Variants in ADRA1B observed in about 807,000 individuals in gnomAD.
The protein encoded by ADRA1B is alpha-1B adrenergic receptor.
Under a neutral mutation model 17.9 loss-of-function variants are expected in ADRA1B, and 17 were observed. That is an observed-to-expected ratio of 0.95 (90% CI 0.65 to 1.42). The LOEUF is 1.42. Among genes scored for constraint, ADRA1B ranks in the 40% most tolerant of loss-of-function variants. The probability of loss-of-function intolerance (pLI) is 0.00; values close to 1 mark genes in which losing one functional copy is unlikely to be tolerated. For missense variants in ADRA1B, 681 were observed against 722.1 expected, an observed-to-expected ratio of 0.94 and a Z score of 0.65; for synonymous variants, 366 against 327.6, an observed-to-expected ratio of 1.12 and a Z score of -1.27.
chr5:159,903,830 A>G lies in ADRA1B; in HGVS notation c.-255-12289A>G, dbSNP rs140976110. Among the ~76,000 whole-genome samples, 437 of 152,190 alleles carry G rather than the reference A, an allele frequency of 2.9e-3. 6 individuals are homozygous for G. Among genetic ancestry groups the G allele is most frequent in the African/African-American group, 8.1e-3 (338 of 41,520 alleles). ...CTGATTGGGTCAGGAGTCCTCCCCT[A>G]GAGCTGGAGGGGAGGGTCCGCCTGG... On this transcript the variant is annotated intron_variant, in intron 1 of 2. Coordinates refer to the ADRA1B transcript ENST00000641205.
chr5:159,906,388 A>C (rs909350352), intron 1 of ADRA1B, among the ~76,000 whole-genome samples: 25 of 152,226 alleles, frequency 1.6e-4, no homozygotes, highest in African/African-American at 6.0e-4. Flanking sequence ...ACCATTTTAC[A>C]GATGACCTCC....
At chr5:159,969,369 T>C (rs1388872215) in intron 1 of ADRA1B, among the ~76,000 whole-genome samples, 2 of 152,242 alleles carry the variant, frequency 1.3e-5, no homozygotes, top group African/African-American at 4.8e-5. Context: ...CCTGTATTTC[T>C]TCTTCTTGAT....
chr5:159,865,494 C>T (rs1470268159), intron 1 of ADRA1B, among the ~76,000 whole-genome samples: 2 of 152,210 alleles, frequency 1.3e-5, no homozygotes, highest in East Asian at 1.9e-4. Flanking sequence ...CACTAATTCT[C>T]GCAATCTCTA....
At chr5:159,951,469 T>C in intron 1 of ADRA1B, 1 of 719,734 alleles carries the variant, frequency 1.4e-6, no homozygotes, top group South Asian at 1.4e-5. Flanking sequence ...TACATCCAAA[T>C]CCGTTGACTC....
the ADRA1B span, among the ~76,000 whole-genome samples, chr5:159,979,162 C>CAA: frequency 1.1e-4 from 17 of 151,210 alleles, no homozygotes; most frequent in South Asian, 2.1e-4. Context: ...CCTATCTCTA[C>CAA]AAAAAAAAAT....
intron 1 of ADRA1B, among the ~76,000 whole-genome samples, chr5:159,961,803 G>A (rs1297567404): frequency 6.6e-6 from 1 of 152,196 alleles, no homozygotes; most frequent in East Asian, 1.9e-4. Context: ...GGCCCAGAGG[G>A]ATGTTAGAAA....
the ADRA1B span, among the ~76,000 whole-genome samples, chr5:159,983,499 C>T: frequency 3.9e-5 from 6 of 152,306 alleles, no homozygotes; most frequent in Admixed American, 2.0e-4. Flanking sequence ...ACCCGCTCAC[C>T]GCGTGCCATT....
chr5:159,928,884 A>C (rs1754729219), intron 1 of ADRA1B, among the ~76,000 whole-genome samples: 1 of 152,190 alleles, frequency 6.6e-6, no homozygotes. Flanking sequence ...CTGGAACAGC[A>C]ACAAAAAATT....
chr5:159,949,500 C>G (rs1581060307), intron 1 of ADRA1B, among the ~76,000 whole-genome samples: 1 of 152,242 alleles, frequency 6.6e-6, no homozygotes, highest in East Asian at 1.9e-4. Flanking sequence ...TTAAGAACTT[C>G]TGGGCTTGCC....
Position 159,972,298 on chromosome 5 carries a change from C to T in ADRA1B, c.1369C>T (p.Pro457Ser), listed in dbSNP as rs1755889828. 7.0e-7 allele frequency: 1 copy of T among 1,422,840 alleles called. No homozygotes were observed. Among genetic ancestry groups the T allele is most frequent in the South Asian group, 1.4e-5 (1 of 69,926 alleles). The allele number at this position is 1,422,840 out of a possible 1,614,324, so 88.1% of individuals were successfully genotyped here. A position where few individuals can be genotyped will look rare whatever the true frequency, so the allele number is the denominator to read the frequency against. ...WKAPGALLSL[P>S]APEPPGRRGR... ...GGCGCCCGGCGCCCTCCTGAGCCTGCCCGCGCCTGAGCCCCCCGGCCGCCG... is the reference window on the plus strand; with the variant it reads ...GGCGCCCGGCGCCCTCCTGAGCCTGTCCGCGCCTGAGCCCCCCGGCCGCCG... The change falls in exon 2 of 2, where the codon CCC becomes TCC. Residue 457 changes from proline to serine, a missense_variant. Physicochemically the swap from Pro to Ser is moderately conservative, Grantham distance 74. Around this residue, in one of 3 missense-constraint regions of ADRA1B, gnomAD observed 251 missense variants for 224.9 expected, o/e 1.12. Transcript: ENST00000306675.
chr5:159,985,401 A>G, the ADRA1B span, among the ~76,000 whole-genome samples: 1 of 152,220 alleles, frequency 6.6e-6, no homozygotes, highest in Admixed American at 6.5e-5. Flanking sequence ...TTCCTGTATC[A>G]GGGAATAATA....
At chr5:159,965,818 G>A (rs1485018804) in intron 1 of ADRA1B, among the ~76,000 whole-genome samples, 3 of 152,166 alleles carry the variant, frequency 2.0e-5, no homozygotes, top group African/African-American at 7.2e-5. Context: ...CTGACTTCAT[G>A]AGGGATCTGA....
intron 1 of ADRA1B, among the ~76,000 whole-genome samples, chr5:159,884,121 C>G (rs1048824484): frequency 6.6e-5 from 10 of 152,142 alleles, no homozygotes; most frequent in African/African-American, 2.4e-4. Context: ...AGAAAAAAAT[C>G]AAATCAATTA....
rs1388500788 is a variant in ADRA1B at position 159,955,247 on chromosome 5, T to C, written c.950-16632T>C. ...GGTGTCAAGGAAGGTATGAGTCCCA[T>C]ATGTGGCCTCCTCAGGGAGGAATGT... On this transcript the variant is annotated intron_variant, in intron 1 of 1. Coordinates refer to ENST00000306675, the MANE Select transcript of ADRA1B (RefSeq NM_000679.4). The C allele has an allele frequency of 5.2e-6, 5 of 957,270 alleles. No individual in the cohort carries two copies. In the East Asian group the frequency reaches 3.5e-4, roughly 66 times the overall value. The allele number at this position is 957,270 out of a possible 1,614,324, so 59.3% of individuals were successfully genotyped here.
At chr5:159,950,768 G>A (rs909424255) in intron 1 of ADRA1B, 1 of 620,290 alleles carries the variant, frequency 1.6e-6, no homozygotes, top group African/African-American at 1.8e-5. Context: ...CGGCAGGTGA[G>A]GTCCATGACT....
chr5:159,867,880 G>T (rs902991878), intron 1 of ADRA1B: 1 of 152,160 alleles, frequency 6.6e-6, no homozygotes. Flanking sequence ...CTCTGGAACC[G>T]CAGGCTTTCT....
At chr5:159,977,671 TGACTTCCAGCCGACTTGGC>T (rs1755993193), downstream of ADRA1B, among the ~76,000 whole-genome samples, 5 of 152,348 alleles carry the variant, frequency 3.3e-5, no homozygotes, top group Admixed American at 1.3e-4. Flanking sequence ...AATGAGTGGC[TGACTTCCAGCCGACTTGGC>T]TGGAGTCAGA....
intron 1 of ADRA1B, among the ~76,000 whole-genome samples, chr5:159,897,582 A>G (rs751605491): frequency 1.1e-4 from 17 of 152,258 alleles, no homozygotes; most frequent in Admixed American, 3.9e-4. Flanking sequence ...TGTTTCCTCC[A>G]ATGGCTTTCC....
chr5:159,969,222 T>C (rs1269363546), intron 1 of ADRA1B, among the ~76,000 whole-genome samples: 1 of 152,166 alleles, frequency 6.6e-6, no homozygotes, highest in Non-Finnish European at 1.5e-5. Flanking sequence ...GTACTTACAC[T>C]TGGCACTTAC....
Sources: allele counts gnomAD v4.1 joint callset (sites outside exome capture counted in the v4.1 genomes callset), GRCh38; gene constraint gnomAD v4.1.1; regional missense constraint gnomAD v4.1.1; transcripts MANE v1.5; gene names NCBI Gene and HGNC (gene_info 2026-07-23, HGNC 2026-07-21).